CDK17: variants seen among roughly 807,000 people sequenced by gnomAD.
CDK17 encodes cyclin-dependent kinase 17.
Under a neutral mutation model 77.6 loss-of-function variants are expected in CDK17, and 24 were observed. That is an observed-to-expected ratio of 0.31 (90% CI 0.22 to 0.44). CDK17 has a LOEUF of 0.44. Among genes scored for constraint, CDK17 ranks in the 20% least tolerant of loss-of-function variants. The probability of loss-of-function intolerance (pLI) is 1.00; values close to 1 mark genes in which losing one functional copy is unlikely to be tolerated. For missense variants in CDK17, 429 were observed against 622.5 expected (o/e 0.69, Z 3.31); for synonymous variants, 203 against 210.4 (o/e 0.96, Z 0.30).
intron 1 of CDK17, among the ~76,000 whole-genome samples, chr12:96,380,894 A>C (rs1051235157): frequency 6.6e-6 from 1 of 152,190 alleles, no homozygotes; most frequent in African/African-American, 2.4e-5. Context: ...AAGGAATATA[A>C]ATTTTTTTCA....
chr12:96,382,897 T>C (rs796379214), intron 1 of CDK17, among the ~76,000 whole-genome samples: 1 of 152,062 alleles, frequency 6.6e-6, no homozygotes, highest in South Asian at 2.1e-4. Flanking sequence ...CTATTCAACA[T>C]AGTACTTGAA....
At chr12:96,370,258 A>G (rs899086849) in intron 1 of CDK17, among the ~76,000 whole-genome samples, 1 of 152,214 alleles carries the variant, frequency 6.6e-6, no homozygotes, top group African/African-American at 2.4e-5. Flanking sequence ...TTTGGTTCAC[A>G]CCGAAGTCTT....
intron 1 of CDK17, among the ~76,000 whole-genome samples, chr12:96,380,171 G>A (rs12830119): frequency 3.9e-4 from 54 of 137,874 alleles, no homozygotes; most frequent in African/African-American, 1.4e-3. Context: ...TCTGTCCCCC[G>A]ACCAAAAAAA....
chr12:96,377,442 A>G (rs965110385), intron 1 of CDK17, among the ~76,000 whole-genome samples: 1 of 152,208 alleles, frequency 6.6e-6, no homozygotes, highest in Non-Finnish European at 1.5e-5. Flanking sequence ...AATAAAGGAC[A>G]TGAGAATTCA....
At chr12:96,315,607 A>T (rs2137111512) in intron 3 of CDK17, among the ~76,000 whole-genome samples, 1 of 152,338 alleles carries the variant, frequency 6.6e-6, no homozygotes, top group Middle Eastern at 3.4e-3. Flanking sequence ...ATTTCTAGTG[A>T]GATATGAAAA....
intron 10 of CDK17, among the ~76,000 whole-genome samples, chr12:96,292,117 T>G (rs983228638): frequency 4.6e-5 from 7 of 152,070 alleles, no homozygotes; most frequent in Admixed American, 3.9e-4. Flanking sequence ...AATTTGTTAT[T>G]CAAACACAGG....
intron 3 of CDK17, among the ~76,000 whole-genome samples, chr12:96,316,361 C>T (rs979891842): frequency 5.3e-5 from 8 of 151,200 alleles, no homozygotes; most frequent in South Asian, 4.2e-4. Context: ...AACCGCAAGG[C>T]GGCAGCGAGG....
chr12:96,313,906 A>C (rs536268352), intron 3 of CDK17, among the ~76,000 whole-genome samples: 1 of 152,270 alleles, frequency 6.6e-6, no homozygotes, highest in South Asian at 2.1e-4. Context: ...TCTATGGTTA[A>C]ATGGAGCTAA....
intron 9 of CDK17, among the ~76,000 whole-genome samples, chr12:96,296,055 A>G (rs1051188855): frequency 6.6e-6 from 1 of 152,198 alleles, no homozygotes; most frequent in African/African-American, 2.4e-5. Context: ...CTACATAATT[A>G]TGTTTTTAAA....
intron 1 of CDK17, among the ~76,000 whole-genome samples, chr12:96,355,325 C>T (rs189479679): frequency 9.9e-5 from 15 of 151,704 alleles, no homozygotes; most frequent in Admixed American, 2.6e-4. Flanking sequence ...GAACTCTACA[C>T]GCAGCTAACA....
At chr12:96,355,398 G>GTTTTTTTTTT (rs58937020) in intron 1 of CDK17, among the ~76,000 whole-genome samples, 1 of 72,476 alleles carries the variant, frequency 1.4e-5, no homozygotes, top group Non-Finnish European at 2.4e-5. Flanking sequence ...TCTACATTGG[G>GTTTTTTTTTT]TTTTTTTTTT....
rs1172949752 is a variant in CDK17 at position 96,400,019 on chromosome 12, G to A, written c.-63C>T. 1.3e-5 allele frequency: 5 copies of A among 384,992 alleles called. No individual in the cohort carries two copies. The highest frequency in any genetic ancestry group is 8.3e-5 in the African/African-American group (4 of 48,004). The allele number at this position is 384,992 out of a possible 1,614,324, so 23.8% of individuals were successfully genotyped here. Reference sequence around the variant, plus strand: ...GCGGGGACCGCGGGTCCCGAGGCGAGGCGAAGAGAGGCGCGGGGGGAAGCT... The same window carrying A: ...GCGGGGACCGCGGGTCCCGAGGCGAAGCGAAGAGAGGCGCGGGGGGAAGCT... On this transcript the variant is annotated 5_prime_UTR_variant, in exon 1 of 17. Coordinates refer to ENST00000261211, the MANE Select transcript of CDK17 (RefSeq NM_002595.5).
chr12:96,367,914 G>A (rs1953614433), intron 1 of CDK17, among the ~76,000 whole-genome samples: 1 of 151,164 alleles, frequency 6.6e-6, no homozygotes, highest in Admixed American at 6.6e-5. Flanking sequence ...AATAATGGGA[G>A]GCCTAAATTT....
chr12:96,380,783 C>T (rs997475517), intron 1 of CDK17, among the ~76,000 whole-genome samples: 1 of 152,170 alleles, frequency 6.6e-6, no homozygotes, highest in Non-Finnish European at 1.5e-5. Flanking sequence ...GAATATCTCC[C>T]TCTTTGACCT....
intron 1 of CDK17, among the ~76,000 whole-genome samples, chr12:96,353,608 G>GT (rs1262941909): frequency 1.3e-5 from 2 of 150,908 alleles, no homozygotes; most frequent in Non-Finnish European, 3.0e-5. Context: ...AAGGTGGCGG[G>GT]GGGGGGCGCG....
chr12:96,369,818 C>A (rs909070975), intron 1 of CDK17, among the ~76,000 whole-genome samples: 1 of 148,038 alleles, frequency 6.8e-6, no homozygotes, highest in Non-Finnish European at 1.5e-5. Flanking sequence ...CGGTGGCTCA[C>A]GCCTGTAATC....
At position 96,400,152 on chromosome 12, in the gene CDK17, C is replaced by T. The variant is rs1954237702; in HGVS notation, c.-196G>A. 1 of 394,358 alleles carries T rather than the reference C, an allele frequency of 2.5e-6. No individual in the cohort carries two copies. Among genetic ancestry groups the T allele is most frequent in the South Asian group, 1.3e-4 (1 of 7,830 alleles). The allele number at this position is 394,358 out of a possible 1,614,324, so 24.4% of individuals were successfully genotyped here. A position where few individuals can be genotyped will look rare whatever the true frequency, so the allele number is the denominator to read the frequency against. The stretch of plus-strand genomic sequence containing the variant: ...CCGCCGCCACAGCCGCCTTCCGGCT[C>T]TCGCCGCGGGTCCGGAGCCTCGGGA... On this transcript the variant is annotated 5_prime_UTR_variant, in exon 1 of 17. Coordinates refer to ENST00000261211, the MANE Select transcript of CDK17 (RefSeq NM_002595.5).
intron 1 of CDK17, among the ~76,000 whole-genome samples, chr12:96,381,510 G>T (rs866798688): frequency 2.0e-5 from 3 of 151,834 alleles, no homozygotes; most frequent in South Asian, 4.1e-4. Context: ...CAGTTTTGAA[G>T]AAAAAAATAG....
chr12:96,304,260 C>T (rs534527806), intron 5 of CDK17, among the ~76,000 whole-genome samples: 2 of 152,172 alleles, frequency 1.3e-5, no homozygotes, highest in South Asian at 2.1e-4. Flanking sequence ...GAAACGGGGC[C>T]GGGCACGGTG....
Sources: gnomAD v4.1 joint callset for allele counts (sites outside exome capture counted in the v4.1 genomes callset) on GRCh38, gnomAD v4.1.1 for gene constraint, MANE v1.5 for transcripts, NCBI Gene and HGNC (gene_info 2026-07-23, HGNC 2026-07-21) for gene names.